Variants in LRMDA observed in about 807,000 individuals in gnomAD.
The protein encoded by LRMDA is leucine-rich melanocyte differentiation-associated protein.
Under a neutral mutation model 29.8 loss-of-function variants are expected in LRMDA, and 18 were observed. The ratio of observed to expected loss-of-function variants is 0.60; its 90% CI spans 0.42 to 0.90. The LOEUF (loss-of-function observed/expected upper bound fraction) is 0.90. Among genes scored for constraint, LRMDA ranks in the 40% least tolerant of loss-of-function variants. The pLI is 0.00. For missense variants in LRMDA, 273 were observed against 273.9 expected (o/e 1.00, Z 0.02); for synonymous variants, 125 against 109.4 (o/e 1.14, Z -0.89).
At chr10:76,487,887 C>T (rs569616406) in intron 6 of LRMDA, among the ~76,000 whole-genome samples, 18 of 151,802 alleles carry the variant, frequency 1.2e-4, no homozygotes, top group Non-Finnish European at 2.4e-4. Context: ...AAATTTATGG[C>T]AATTTGACCT....
chr10:75,799,216 T>G (rs1039791410), intron 2 of LRMDA, among the ~76,000 whole-genome samples: 10 of 152,224 alleles, frequency 6.6e-5, no homozygotes, highest in African/African-American at 2.2e-4. Flanking sequence ...CTGTCTAGTT[T>G]TTGTGTCATC....
chr10:75,525,888 C>T (rs59856748), intron 2 of LRMDA, among the ~76,000 whole-genome samples: 1,564 of 151,656 alleles, frequency 0.01, 38 homozygotes, highest in African/African-American at 0.036. Context: ...CTGTCTGAGC[C>T]ATTCTGACCA....
chr10:75,753,078 CT>C (rs1220836964), intron 2 of LRMDA, among the ~76,000 whole-genome samples: 18 of 151,990 alleles, frequency 1.2e-4, no homozygotes, highest in Admixed American at 1.2e-3. Context: ...GATGAGTTGA[CT>C]TTTTTTTCCT....
At chr10:76,289,528 A>C (rs547875519) in intron 5 of LRMDA, among the ~76,000 whole-genome samples, 8 of 152,288 alleles carry the variant, frequency 5.3e-5, no homozygotes, top group African/African-American at 1.9e-4. Flanking sequence ...GTTTATAAGG[A>C]GTTCAATATT....
intron 3 of LRMDA, among the ~76,000 whole-genome samples, chr10:76,046,673 C>T (rs765161228): frequency 1.3e-5 from 2 of 151,890 alleles, no homozygotes; most frequent in African/African-American, 2.4e-5. Context: ...TTAGTAGAGA[C>T]GGGTTTCACC....
At chr10:75,874,743 A>C (rs1249358173) in intron 2 of LRMDA, among the ~76,000 whole-genome samples, 2 of 152,230 alleles carry the variant, frequency 1.3e-5, no homozygotes, top group African/African-American at 4.8e-5. Context: ...AAAGCCACCC[A>C]GTGAGCTGAG....
chr10:75,433,309 C>T (rs1199571046), intron 1 of LRMDA, among the ~76,000 whole-genome samples: 1 of 152,182 alleles, frequency 6.6e-6, no homozygotes, highest in African/African-American at 2.4e-5. Context: ...TCCTCCGTTT[C>T]CTAGATTCGA....
At chr10:76,348,481 T>C (rs1841136214) in intron 6 of LRMDA, among the ~76,000 whole-genome samples, 1 of 152,250 alleles carries the variant, frequency 6.6e-6, no homozygotes. Context: ...CCCTGGCATC[T>C]ACTGTTTTTA....
At chr10:75,806,597 G>C (rs1452018599) in intron 2 of LRMDA, among the ~76,000 whole-genome samples, 1 of 151,114 alleles carries the variant, frequency 6.6e-6, no homozygotes, top group East Asian at 1.9e-4. Flanking sequence ...GACTCTGGGT[G>C]ATTGATCGGG....
At chr10:75,503,592 C>T (rs918347727) in intron 2 of LRMDA, among the ~76,000 whole-genome samples, 4 of 151,674 alleles carry the variant, frequency 2.6e-5, no homozygotes, top group Non-Finnish European at 4.4e-5. Flanking sequence ...AGTTGCAATC[C>T]CTTTGTCACC....
At chr10:76,269,108 C>T (rs187524033) in intron 5 of LRMDA, among the ~76,000 whole-genome samples, 3 of 152,048 alleles carry the variant, frequency 2.0e-5, no homozygotes, top group African/African-American at 4.8e-5. Context: ...CTCCCGGGGT[C>T]GTAGTTCATG....
At chr10:76,156,750 A>C (rs928515934) in intron 5 of LRMDA, among the ~76,000 whole-genome samples, 3 of 152,228 alleles carry the variant, frequency 2.0e-5, no homozygotes, top group African/African-American at 7.2e-5. Flanking sequence ...TCAAGATGAC[A>C]TACCATTAGG....
At chr10:76,292,518 G>A (rs1489298540) in intron 5 of LRMDA, among the ~76,000 whole-genome samples, 2 of 152,158 alleles carry the variant, frequency 1.3e-5, no homozygotes, top group Non-Finnish European at 2.9e-5. Context: ...AGCTGGATGT[G>A]CAGCATCTTT....
At chr10:76,357,528 A>G (rs965106270) in intron 6 of LRMDA, among the ~76,000 whole-genome samples, 1 of 152,140 alleles carries the variant, frequency 6.6e-6, no homozygotes, top group Non-Finnish European at 1.5e-5. Flanking sequence ...AAGTTTTCCA[A>G]TCCTATCTGC....
At chr10:75,459,726 A>G (rs1290422855) in intron 2 of LRMDA, among the ~76,000 whole-genome samples, 1 of 152,234 alleles carries the variant, frequency 6.6e-6, no homozygotes, top group African/African-American at 2.4e-5. Context: ...ACAGAAATGT[A>G]CTGGCTTATG....
intron 6 of LRMDA, among the ~76,000 whole-genome samples, chr10:76,458,851 C>T (rs560890649): frequency 2.6e-5 from 4 of 152,122 alleles, no homozygotes; most frequent in African/African-American, 4.8e-5. Flanking sequence ...TAAGAAGATT[C>T]GGCATTTGAT....
intron 2 of LRMDA, among the ~76,000 whole-genome samples, chr10:75,995,728 T>A (rs1266474297): frequency 1.3e-5 from 2 of 152,196 alleles, no homozygotes; most frequent in Non-Finnish European, 2.9e-5. Flanking sequence ...TTCAACCCAC[T>A]GCCAGTTTTT....
At chr10:76,027,055 C>A (rs1254733473) in intron 2 of LRMDA, among the ~76,000 whole-genome samples, 4 of 152,214 alleles carry the variant, frequency 2.6e-5, no homozygotes, top group Admixed American at 2.6e-4. Context: ...TTTGAAATGA[C>A]TAAGACTTCT....
intron 2 of LRMDA, among the ~76,000 whole-genome samples, chr10:75,970,177 G>A (rs746250519): frequency 2.0e-5 from 3 of 152,236 alleles, no homozygotes; most frequent in Non-Finnish European, 4.4e-5. Context: ...TAGGGGTAGT[G>A]TGATTTGTGG....
Sources: allele counts gnomAD v4.1 joint callset (sites outside exome capture counted in the v4.1 genomes callset), GRCh38; gene constraint gnomAD v4.1.1; transcripts MANE v1.5; gene names NCBI Gene and HGNC (gene_info 2026-07-23, HGNC 2026-07-21).